ITSN1: variants seen among roughly 807,000 people sequenced by gnomAD.
The protein encoded by ITSN1 is intersectin-1.
In ITSN1, 58 loss-of-function variants were observed where a neutral mutation model predicts 239.8. That is an observed-to-expected ratio of 0.24 (90% CI 0.20 to 0.30). ITSN1 has a LOEUF of 0.30. Ranked by LOEUF, ITSN1 falls within the 10% of genes least tolerant of loss-of-function variation. ITSN1 has a pLI of 1.00. For missense variants in ITSN1, 1,558 were observed against 2,103.3 expected (o/e 0.74, Z 5.07); for synonymous variants, 780 against 770.8 (o/e 1.01, Z -0.20).
At chr21:33,704,857 GGT>G (rs2092173811) in intron 1 of ITSN1, among the ~76,000 whole-genome samples, 1 of 149,942 alleles carries the variant, frequency 6.7e-6, no homozygotes, top group African/African-American at 2.5e-5. Flanking sequence ...GGGAGGCCAG[GGT>G]GGGCAGATCA....
intron 7 of ITSN1, among the ~76,000 whole-genome samples, chr21:33,754,411 A>G (rs779536422): frequency 1.1e-4 from 16 of 152,230 alleles, no homozygotes; most frequent in Non-Finnish European, 1.6e-4. Flanking sequence ...ACATGTTTGA[A>G]TAGATATTTT....
chr21:33,791,120 T>G (rs2147985964), intron 16 of ITSN1, among the ~76,000 whole-genome samples: 1 of 152,356 alleles, frequency 6.6e-6, no homozygotes, highest in African/African-American at 2.4e-5. Context: ...CTTATCAACT[T>G]AGAAATCATC....
chr21:33,658,159 T>C (rs1277207472), intron 1 of ITSN1, among the ~76,000 whole-genome samples: 1 of 152,100 alleles, frequency 6.6e-6, no homozygotes, highest in East Asian at 1.9e-4. Flanking sequence ...ATTAAGAAAA[T>C]TATAAGGAAG....
rs1239556120 is a variant in ITSN1, at chr21:33,896,091, CTG to C, written c.*7792_*7793del. On this transcript the variant is annotated 3_prime_UTR_variant, in exon 40 of 40. Coordinates refer to ENST00000381318, the MANE Select transcript of ITSN1 (RefSeq NM_003024.3). ...AGGTCTCCCGGCAGGCTGTGGCAAGCTGCGCGGATACACTTTTCTAAACGTCT... is the reference window on the plus strand; with the variant it reads ...AGGTCTCCCGGCAGGCTGTGGCAAGCCGCGGATACACTTTTCTAAACGTCT... 6.6e-6 allele frequency: 1 copy of C among 152,360 alleles called. No individual in the cohort carries two copies. Among genetic ancestry groups the C allele is most frequent in the Non-Finnish European group, 1.5e-5 (1 of 68,142 alleles). 9.4% of individuals were successfully genotyped at this position (152,360 alleles called of 1,614,324 possible).
rs1391396183 is a variant in ITSN1, at chr21:33,735,161, C to T, written c.303C>T (p.Val101=). Residue 101 remains valine (V), a synonymous_variant, in exon 5 of 40, where the codon GTC becomes GTT. Transcript: ENST00000381318. The part of the protein sequence containing the change: ...GYQLPSALPP[V]MKQQPVAISS... ...AGCTACCCTCTGCACTTCCCCCTGT[C>T]ATGAAACAGCAACCAGTTGCTATTT... 1 of 1,613,884 alleles carries T rather than the reference C, an allele frequency of 6.2e-7. No homozygotes were observed. The highest frequency in any genetic ancestry group is 1.7e-5 in the Admixed American group (1 of 60,020).
chr21:33,878,451 T>TACACACATACATACATGCATGTATGC (rs1422593878), intron 34 of ITSN1, among the ~76,000 whole-genome samples: 7 of 152,104 alleles, frequency 4.6e-5, no homozygotes, highest in African/African-American at 7.3e-5. Flanking sequence ...CTTGTGCCTG[T>TACACACATACATACATGCATGTATGC]ACACACATAC....
intron 34 of ITSN1, among the ~76,000 whole-genome samples, chr21:33,877,059 C>CTTTTCTTTTTTTTTTTTT (rs1984046649): frequency 9.4e-6 from 1 of 106,366 alleles, no homozygotes; most frequent in Non-Finnish European, 1.8e-5. Context: ...CTGTGGGCAC[C>CTTTTCTTTTTTTTTTTTT]TTTTTTTTTT....
At chr21:33,727,988 G>A (rs1462128571) in intron 4 of ITSN1, among the ~76,000 whole-genome samples, 1 of 143,462 alleles carries the variant, frequency 7.0e-6, no homozygotes, top group African/African-American at 2.7e-5. Flanking sequence ...TTTTTTTTGA[G>A]ACAAAGTCTC....
intron 1 of ITSN1, among the ~76,000 whole-genome samples, chr21:33,656,949 G>A (rs1047601798): frequency 6.6e-6 from 1 of 152,070 alleles, no homozygotes; most frequent in African/African-American, 2.4e-5. Context: ...ACGAACTCCT[G>A]ACCTCAGGTG....
chr21:33,831,997 C>G (rs1444639102), intron 27 of ITSN1, among the ~76,000 whole-genome samples: 1 of 152,138 alleles, frequency 6.6e-6, no homozygotes, highest in African/African-American at 2.4e-5. Flanking sequence ...GCATCATGCC[C>G]CTGTCCTGTT....
chr21:33,732,322 A>G (rs976438524), intron 4 of ITSN1, among the ~76,000 whole-genome samples: 15 of 152,328 alleles, frequency 9.8e-5, no homozygotes, highest in East Asian at 1.9e-4. Flanking sequence ...GGAGGAGGGT[A>G]TAATGAGGCA....
chr21:33,767,671 A>G, intron 10 of ITSN1, 42 bp from the exon 11 acceptor site: 1 of 1,130,114 alleles, frequency 8.8e-7, no homozygotes, highest in Non-Finnish European at 1.3e-6. Flanking sequence ...CCACCCAGAC[A>G]GCTCTGTGTG....
chr21:33,728,944 A>G (rs1315823595), intron 4 of ITSN1, among the ~76,000 whole-genome samples: 1 of 152,010 alleles, frequency 6.6e-6, no homozygotes, highest in African/African-American at 2.4e-5. Context: ...ATTAGTCTGC[A>G]CTGCTGCTGG....
In ITSN1 at chr21:33,836,641, C is replaced by T. The variant is rs2074618362; in HGVS notation, c.3661+9C>T. 1.9e-6 allele frequency: 3 copies of T among 1,609,398 alleles called. No homozygotes were observed. Among genetic ancestry groups the T allele is most frequent in the Non-Finnish European group, 2.5e-6 (3 of 1,176,486 alleles). ...GGACCCAAGCCAGCAATGTAAGTGC[C>T]CTGGTGGCTCTGTCGCCTCGCCTCT... On this transcript the variant is annotated intron_variant, in intron 29 of 39. Coordinates refer to ENST00000381318, the MANE Select transcript of ITSN1 (RefSeq NM_003024.3).
intron 11 of ITSN1, among the ~76,000 whole-genome samples, chr21:33,768,317 T>G (rs532624026): frequency 6.6e-6 from 1 of 152,344 alleles, no homozygotes; most frequent in Admixed American, 6.5e-5. Context: ...AGTCTCACTC[T>G]GTTACCCAGG....
At chr21:33,830,040 T>C (rs575127164) in intron 27 of ITSN1, among the ~76,000 whole-genome samples, 1 of 152,222 alleles carries the variant, frequency 6.6e-6, no homozygotes, top group Non-Finnish European at 1.5e-5. Context: ...CATATCCTTA[T>C]GTGCCTTGGC....
At chr21:33,654,201 C>T (rs1471790342) in intron 1 of ITSN1, among the ~76,000 whole-genome samples, 2 of 151,492 alleles carry the variant, frequency 1.3e-5, no homozygotes, top group East Asian at 3.9e-4. Flanking sequence ...CACAGCCACG[C>T]ACCACCACAC....
In ITSN1 at chr21:33,882,135, C is replaced by T; in HGVS notation, c.4342-108C>T. The T allele has an allele frequency of 1.1e-6, 1 of 925,694 alleles. No homozygotes were observed. The allele number at this position is 925,694 out of a possible 1,614,324, so 57.3% of individuals were successfully genotyped here. On this transcript the variant is annotated intron_variant, in intron 34 of 39. Coordinates refer to ENST00000381318, the MANE Select transcript of ITSN1 (RefSeq NM_003024.3). The surrounding 1 kb of genome is among the most constrained non-coding windows in gnomAD (Gnocchi z 4.5). ...CTTCAAAGCTATCCTTGACTTTTGC[C>T]TGAGATCCGAGTCTGCTGGGGCCTG... is the stretch of plus-strand genomic sequence containing the variant.
chr21:33,813,543 G>A (rs2073058301), intron 21 of ITSN1, among the ~76,000 whole-genome samples: 1 of 151,934 alleles, frequency 6.6e-6, no homozygotes, highest in Admixed American at 6.6e-5. Flanking sequence ...AGTAGAGATG[G>A]GGTTTCACCA....
Sources: allele counts gnomAD v4.1 joint callset (sites outside exome capture counted in the v4.1 genomes callset), GRCh38; gene constraint gnomAD v4.1.1; non-coding constraint Gnocchi (gnomAD v3.1); transcripts MANE v1.5; gene names NCBI Gene and HGNC (gene_info 2026-07-23, HGNC 2026-07-21).